The following CHST9 variants were observed in gnomAD, a reference collection of about 807,000 sequenced individuals.
CHST9 encodes the protein GalNAc-4-sulfotransferase 2.
CHST9 carries 41 observed loss-of-function variants against 44.4 expected under a neutral mutation model. The observed-to-expected ratio is 0.92, with a 90% CI of 0.72 to 1.20. CHST9 has a LOEUF of 1.20. Ranked by LOEUF, CHST9 falls within the 50% of genes most tolerant of loss-of-function variation. CHST9 has a pLI of 0.00. For synonymous variants in CHST9, 171 were observed against 178.4 expected, an observed-to-expected ratio of 0.96 and a Z score of 0.33; for missense variants, 504 against 516.5, an observed-to-expected ratio of 0.98 and a Z score of 0.23.
chr18:27,161,834 G>C (rs1476340195), intron 1 of CHST9, among the ~76,000 whole-genome samples: 1 of 152,012 alleles, frequency 6.6e-6, no homozygotes, highest in Admixed American at 6.5e-5. Context: ...AGCTCTTCTT[G>C]TTGAATTGAT....
chr18:27,149,538 T>C (rs1158890370), intron 1 of CHST9, among the ~76,000 whole-genome samples: 1 of 152,140 alleles, frequency 6.6e-6, no homozygotes, highest in Non-Finnish European at 1.5e-5. Context: ...GAGTGATTTA[T>C]ATTACTGGGT....
At chr18:27,098,949 T>C (rs181238938) in intron 2 of CHST9, among the ~76,000 whole-genome samples, 1 of 152,252 alleles carries the variant, frequency 6.6e-6, no homozygotes, top group East Asian at 1.9e-4. Flanking sequence ...CTTTGAACTA[T>C]ACTATAAGGT....
At chr18:27,124,976 A>G (rs1449896126) in intron 2 of CHST9, among the ~76,000 whole-genome samples, 3 of 152,184 alleles carry the variant, frequency 2.0e-5, no homozygotes, top group Non-Finnish European at 4.4e-5. Context: ...AGTAAAACCT[A>G]CATTGGTTTA....
At chr18:26,955,224 GTTT>G (rs10573820) in intron 4 of CHST9, among the ~76,000 whole-genome samples, 133 of 138,482 alleles carry the variant, frequency 9.6e-4, no homozygotes, top group African/African-American at 3.0e-3. Context: ...CCAGAATTCT[GTTT>G]TTTTTTTTTT....
rs188189519 is a variant in CHST9, at chr18:27,005,127, A to G, written c.202+18989T>C. Among the ~76,000 whole-genome samples the G allele has an allele frequency of 3.1e-4, 47 of 152,334 alleles. No individual in the cohort carries two copies. The South Asian group carries it at 5.6e-3, about 18-fold the overall frequency. On this transcript the variant is annotated intron_variant, in intron 4 of 5. Coordinates refer to ENST00000618847, the MANE Select transcript of CHST9 (RefSeq NM_031422.6). ...CATAGACACTGCAAGAATAAATGTT[A>G]AGGCTTAAATACTGATTTAGCGACT...
intron 2 of CHST9, among the ~76,000 whole-genome samples, chr18:27,123,668 T>G (rs9948063): frequency 0.011 from 1,606 of 152,314 alleles, 23 homozygotes; most frequent in African/African-American, 0.033. Context: ...TGGTGAGCAG[T>G]TTGCTGCAAA....
intron 4 of CHST9, among the ~76,000 whole-genome samples, chr18:27,020,346 A>T (rs2057209611): frequency 6.6e-6 from 1 of 152,222 alleles, no homozygotes; most frequent in South Asian, 2.1e-4. Flanking sequence ...ACCGAAAGAA[A>T]TGTACAGGAA....
At chr18:27,022,263 A>G (rs1490485512) in intron 4 of CHST9, among the ~76,000 whole-genome samples, 3 of 152,244 alleles carry the variant, frequency 2.0e-5, no homozygotes, top group African/African-American at 7.2e-5. Flanking sequence ...TGGCAAGAAA[A>G]TGGGAGCTTT....
At chr18:27,137,843 A>G (rs2058529261) in intron 2 of CHST9, among the ~76,000 whole-genome samples, 2 of 152,304 alleles carry the variant, frequency 1.3e-5, no homozygotes, top group Non-Finnish European at 2.9e-5. Flanking sequence ...GATTCTAACT[A>G]GACAAATAGT....
At position 26,908,865 on chromosome 18, in the gene CHST9, A is replaced by G. The variant is rs1356073818; in HGVS notation, c.*7394T>C. 2.6e-5 allele frequency: 4 copies of G among 152,208 alleles called. No homozygotes were observed. The highest frequency in any genetic ancestry group is 5.9e-5 in the Non-Finnish European group (4 of 68,034). The allele number at this position is 152,208 out of a possible 1,614,324, so 9.4% of individuals were successfully genotyped here. Reference sequence around the variant, plus strand: ...TGGGGCACTTGCTCTCAAACTAATAACCAAATAGCAAATATTTTCCATTTT... The same window carrying G: ...TGGGGCACTTGCTCTCAAACTAATAGCCAAATAGCAAATATTTTCCATTTT... On this transcript the variant is annotated 3_prime_UTR_variant, in exon 6 of 6. Transcript: ENST00000618847.
chr18:27,119,236 T>C (rs1368025596), intron 2 of CHST9, among the ~76,000 whole-genome samples: 1 of 152,198 alleles, frequency 6.6e-6, no homozygotes, highest in East Asian at 1.9e-4. Flanking sequence ...AATGTGTTCT[T>C]ATAACCTCAC....
chr18:26,975,017 T>C (rs1030464130), intron 4 of CHST9, among the ~76,000 whole-genome samples: 1 of 152,192 alleles, frequency 6.6e-6, no homozygotes, highest in African/African-American at 2.4e-5. Context: ...AAAGAGAGGC[T>C]TGGGGCTCTA....
intron 2 of CHST9, among the ~76,000 whole-genome samples, chr18:27,090,974 T>A (rs2058062703): frequency 6.6e-6 from 1 of 152,188 alleles, no homozygotes; most frequent in Non-Finnish European, 1.5e-5. Flanking sequence ...TTTTTCCAAA[T>A]CTGTGAAGAA....
At chr18:27,063,577 A>C (rs1029985152) in intron 2 of CHST9, among the ~76,000 whole-genome samples, 3 of 152,182 alleles carry the variant, frequency 2.0e-5, no homozygotes, top group African/African-American at 7.2e-5. Flanking sequence ...GGATACAGAC[A>C]ATCCACTGTC....
At chr18:26,925,445 T>G (rs1050480052) in intron 5 of CHST9, among the ~76,000 whole-genome samples, 12 of 152,244 alleles carry the variant, frequency 7.9e-5, no homozygotes, top group Admixed American at 7.8e-4. Context: ...CTGGAGCTGG[T>G]GTCTCAAATC....
At position 26,912,822 on chromosome 18, in the gene CHST9, G is replaced by A. The variant is rs1055031558; in HGVS notation, c.*3437C>T. 6.6e-6 allele frequency: 1 copy of A among 152,214 alleles called. No individual in the cohort carries two copies. Among genetic ancestry groups the A allele is most frequent in the Non-Finnish European group, 1.5e-5 (1 of 68,032 alleles). The allele number at this position is 152,214 out of a possible 1,614,324, so 9.4% of individuals were successfully genotyped here. A position where few individuals can be genotyped will look rare whatever the true frequency, so the allele number is the denominator to read the frequency against. ...AATGATCATGATTGAGATTGAGAAG[G>A]TATGAGCCTAAATGTAGGACTAAAT... On this transcript the variant is annotated 3_prime_UTR_variant, in exon 6 of 6. Transcript: ENST00000618847.
intron 4 of CHST9, among the ~76,000 whole-genome samples, chr18:26,991,504 C>A (rs1469134979): frequency 1.5e-5 from 2 of 129,230 alleles, no homozygotes; most frequent in African/African-American, 2.6e-5. Flanking sequence ...AAGCTGGGAT[C>A]CAGAGAGAGA....
intron 2 of CHST9, among the ~76,000 whole-genome samples, chr18:27,083,362 C>A (rs1000258764): frequency 6.6e-5 from 10 of 152,178 alleles, no homozygotes; most frequent in Non-Finnish European, 1.3e-4. Flanking sequence ...GATCCAAATC[C>A]ATTAAAACTT....
chr18:27,114,413 T>G (rs2058301986), intron 2 of CHST9, among the ~76,000 whole-genome samples: 1 of 152,188 alleles, frequency 6.6e-6, no homozygotes, highest in South Asian at 2.1e-4. Context: ...TCCTTATATT[T>G]AATCAAGTTT....
Sources: gnomAD v4.1 joint callset for allele counts (sites outside exome capture counted in the v4.1 genomes callset) on GRCh38, gnomAD v4.1.1 for gene constraint, MANE v1.5 for transcripts, NCBI Gene and HGNC (gene_info 2026-07-23, HGNC 2026-07-21) for gene names.